ANKIB1: variants seen among roughly 807,000 people sequenced by gnomAD.
ANKIB1 encodes ankyrin repeat and IBR domain-containing protein 1.
ANKIB1 carries 43 observed loss-of-function variants against 122.1 expected under a neutral mutation model. The observed-to-expected ratio is 0.35, with a 90% confidence interval of 0.28 to 0.45. The LOEUF (loss-of-function observed/expected upper bound fraction) is 0.45, where lower values mean the gene tolerates loss of function less well. ANKIB1 is among the 20% of genes least tolerant of loss of function. The pLI, the probability that ANKIB1 is intolerant of heterozygous loss-of-function variation, is 1.00. For missense variants in ANKIB1, 992 were observed against 1,329.5 expected (o/e 0.75, Z 3.95); for synonymous variants, 390 against 442.0 (o/e 0.88, Z 1.48).
chr7:92,333,396 C>T (rs1417648051), intron 5 of ANKIB1, among the ~76,000 whole-genome samples: 1 of 152,188 alleles, frequency 6.6e-6, no homozygotes, highest in African/African-American at 2.4e-5. Context: ...TCCCTCCTGC[C>T]ACAGGCCTTT....
chr7:92,249,487 G>A (rs754575042), intron 1 of ANKIB1, among the ~76,000 whole-genome samples: 31 of 152,138 alleles, frequency 2.0e-4, no homozygotes, highest in Non-Finnish European at 4.1e-4. Flanking sequence ...TTGGGAGGCC[G>A]AGGTGGACAG....
At position 92,303,357 on chromosome 7, in the gene ANKIB1, G is replaced by A. The variant is rs148265865; in HGVS notation, c.189-4002G>A. ...TGGCACTCAAAACATTTCAGATTTTGGAGCATTTCAGATTTCTGAATTAGG... is the reference window on the plus strand; with the variant it reads ...TGGCACTCAAAACATTTCAGATTTTAGAGCATTTCAGATTTCTGAATTAGG... On this transcript the variant is annotated intron_variant, in intron 2 of 19. Transcript: ENST00000265742. 2.2e-3 allele frequency among the ~76,000 whole-genome samples: 337 copies of A among 152,240 alleles called. 2 individuals are homozygous for A. Among genetic ancestry groups the A allele is most frequent in the African/African-American group, 7.4e-3 (309 of 41,530 alleles).
intron 2 of ANKIB1, among the ~76,000 whole-genome samples, chr7:92,298,137 A>G (rs1426179133): frequency 6.6e-6 from 1 of 152,074 alleles, no homozygotes; most frequent in Non-Finnish European, 1.5e-5. Flanking sequence ...ACTCATCTCT[A>G]CTAGAATGTA....
intron 9 of ANKIB1, among the ~76,000 whole-genome samples, chr7:92,353,057 G>A (rs185870574): frequency 2.4e-4 from 36 of 152,218 alleles, no homozygotes; most frequent in Admixed American, 1.4e-3. Flanking sequence ...AGAGTTTAAC[G>A]TTTCATTAAA....
intron 5 of ANKIB1, among the ~76,000 whole-genome samples, chr7:92,338,927 AAAAAAAATATATATATATATATATAT>A (rs1454813297): frequency 2.1e-5 from 1 of 47,596 alleles, no homozygotes; most frequent in Non-Finnish European, 4.3e-5. Context: ...AAAAAAAAAA[AAAAAAAATATATATATATATATATAT>A]ATATATATAT....
intron 1 of ANKIB1, among the ~76,000 whole-genome samples, chr7:92,251,476 A>G (rs1359944453): frequency 6.6e-6 from 1 of 152,228 alleles, no homozygotes; most frequent in Non-Finnish European, 1.5e-5. Context: ...TCTATATCAC[A>G]TCTTTATTTT....
chr7:92,340,842 C>T (rs973171747), intron 5 of ANKIB1, among the ~76,000 whole-genome samples: 3 of 152,140 alleles, frequency 2.0e-5, no homozygotes, highest in Non-Finnish European at 4.4e-5. Context: ...TAGAAGAGCA[C>T]GTCCAAATGG....
chr7:92,275,963 A>G (rs547576075), intron 1 of ANKIB1, among the ~76,000 whole-genome samples: 1 of 152,192 alleles, frequency 6.6e-6, no homozygotes, highest in Non-Finnish European at 1.5e-5. Context: ...GTAATTTTAT[A>G]TCATAACCTT....
chr7:92,261,570 T>G (rs1013171360), intron 1 of ANKIB1, among the ~76,000 whole-genome samples: 23 of 152,212 alleles, frequency 1.5e-4, no homozygotes, highest in South Asian at 4.1e-4. Flanking sequence ...ATGTCATGAT[T>G]TATAACTTTA....
At chr7:92,338,189 C>T (rs1178590825) in intron 5 of ANKIB1, among the ~76,000 whole-genome samples, 1 of 151,670 alleles carries the variant, frequency 6.6e-6, no homozygotes, top group East Asian at 1.9e-4. Context: ...GCGAGAAGAT[C>T]ACCTGAGCTC....
chr7:92,247,584 G>GT (rs1585067971), intron 1 of ANKIB1, among the ~76,000 whole-genome samples: 1 of 152,100 alleles, frequency 6.6e-6, no homozygotes, highest in East Asian at 1.9e-4. Flanking sequence ...TGAACTAGGC[G>GT]TTTTTTCTCA....
intron 2 of ANKIB1, among the ~76,000 whole-genome samples, chr7:92,303,195 G>A (rs1802489476): frequency 1.3e-5 from 2 of 152,142 alleles, no homozygotes; most frequent in Admixed American, 6.5e-5. Flanking sequence ...TATTCAAAAT[G>A]AGTGGGAATA....
intron 2 of ANKIB1, among the ~76,000 whole-genome samples, chr7:92,303,236 T>C (rs1802489945): frequency 6.6e-6 from 1 of 152,182 alleles, no homozygotes. Flanking sequence ...TTCTTTGAAT[T>C]TTGAATATTT....
chr7:92,341,521 G>A (rs539909727), intron 5 of ANKIB1, among the ~76,000 whole-genome samples: 1 of 151,656 alleles, frequency 6.6e-6, no homozygotes, highest in African/African-American at 2.4e-5. Flanking sequence ...AAACAAAGTA[G>A]GGGGATATTT....
At chr7:92,292,816 C>T (rs531556552) in intron 1 of ANKIB1, among the ~76,000 whole-genome samples, 1 of 152,208 alleles carries the variant, frequency 6.6e-6, no homozygotes, top group East Asian at 1.9e-4. Flanking sequence ...CAAACACACA[C>T]ATACACCTTT....
intron 11 of ANKIB1, among the ~76,000 whole-genome samples, chr7:92,373,130 C>T (rs1417495923): frequency 6.6e-6 from 1 of 151,980 alleles, no homozygotes; most frequent in Non-Finnish European, 1.5e-5. Context: ...AAAGAAAAAC[C>T]TAGGGCAGTG....
chr7:92,269,011 G>A (rs1801730736), intron 1 of ANKIB1, among the ~76,000 whole-genome samples: 1 of 152,210 alleles, frequency 6.6e-6, no homozygotes, highest in African/African-American at 2.4e-5. Flanking sequence ...TGCAAATGTG[G>A]CAGTAGGCCA....
At chr7:92,387,447 C>A (rs1804681336) in intron 12 of ANKIB1, among the ~76,000 whole-genome samples, 2 of 151,894 alleles carry the variant, frequency 1.3e-5, no homozygotes, top group African/African-American at 2.4e-5. Context: ...ACCAGCCTGG[C>A]CAACATGGTA....
chr7:92,368,487 C>G (rs1161851196), intron 10 of ANKIB1, among the ~76,000 whole-genome samples: 2 of 151,924 alleles, frequency 1.3e-5, no homozygotes, highest in Non-Finnish European at 2.9e-5. Flanking sequence ...GAGGCCAACG[C>G]AGGCAGATCA....
Sources: gnomAD v4.1 joint callset for allele counts (sites outside exome capture counted in the v4.1 genomes callset) on GRCh38, gnomAD v4.1.1 for gene constraint, MANE v1.5 for transcripts, NCBI Gene and HGNC (gene_info 2026-07-23, HGNC 2026-07-21) for gene names.